Variants in CNTN5 observed in about 807,000 individuals in gnomAD.
CNTN5 encodes contactin-5.
Under a neutral mutation model 129.1 loss-of-function variants are expected in CNTN5, and 77 were observed. That is an observed-to-expected ratio of 0.60 (90% CI 0.50 to 0.72). CNTN5 has a LOEUF of 0.72. Among genes scored for constraint, CNTN5 ranks in the 30% least tolerant of loss-of-function variants. The pLI is 0.00. For synonymous variants in CNTN5, 509 were observed against 465.6 expected, an observed-to-expected ratio of 1.09 and a Z score of -1.20; for missense variants, 1,478 against 1,328.8, an observed-to-expected ratio of 1.11 and a Z score of -1.75.
At chr11:99,270,681 C>A (rs778489672) in intron 1 of CNTN5, among the ~76,000 whole-genome samples, 1 of 151,918 alleles carries the variant, frequency 6.6e-6, no homozygotes, top group African/African-American at 2.4e-5. Flanking sequence ...TAATAATAGG[C>A]ATTTAGAACA....
At chr11:99,772,439 G>A (rs1944978487) in intron 3 of CNTN5, among the ~76,000 whole-genome samples, 3 of 152,018 alleles carry the variant, frequency 2.0e-5, no homozygotes, top group Admixed American at 2.0e-4. Flanking sequence ...TTACAACAAG[G>A]TGTCTTGGAT....
rs535464241 is a variant in CNTN5 at position 99,993,710 on chromosome 11, C to T, written c.878-8324C>T. On this transcript the variant is annotated intron_variant, in intron 8 of 24. Coordinates refer to ENST00000524871, the MANE Select transcript of CNTN5 (RefSeq NM_014361.4). ...GTGCAGCCTGGTTCCTAACAGGCCA[C>T]AGACCACTGCAGGTCTGTGGCCTGG... Among the ~76,000 whole-genome samples the T allele has an allele frequency of 5.9e-5, 9 of 152,194 alleles. No homozygotes were observed. The East Asian group carries it at 1.8e-3, about 30-fold the overall frequency.
At chr11:100,276,527 C>CAAAAAAAAAAAAAAAAAAAAAAAAAAAAA (rs56774234) in intron 18 of CNTN5, among the ~76,000 whole-genome samples, 1 of 70,074 alleles carries the variant, frequency 1.4e-5, no homozygotes, top group Non-Finnish European at 2.7e-5. Context: ...GAGACTCTCT[C>CAAAAAAAAAAAAAAAAAAAAAAAAAAAAA]AAAAAAAAAA....
chr11:100,046,633 C>A (rs1387383871), intron 9 of CNTN5, among the ~76,000 whole-genome samples: 1 of 151,840 alleles, frequency 6.6e-6, no homozygotes, highest in East Asian at 1.9e-4. Context: ...AATGTGTATA[C>A]ATATAAAACA....
At chr11:99,181,123 C>A (rs1426395227) in intron 1 of CNTN5, among the ~76,000 whole-genome samples, 1 of 152,074 alleles carries the variant, frequency 6.6e-6, no homozygotes, top group Non-Finnish European at 1.5e-5. Context: ...GGGTCTGGTG[C>A]ATTCATAATC....
At chr11:99,349,908 C>A (rs1434883206) in intron 2 of CNTN5, among the ~76,000 whole-genome samples, 2 of 152,086 alleles carry the variant, frequency 1.3e-5, no homozygotes, top group Non-Finnish European at 2.9e-5. Flanking sequence ...CTAATGTGTG[C>A]AAAAATGTTG....
chr11:100,149,040 C>T (rs958401624), intron 13 of CNTN5, among the ~76,000 whole-genome samples: 6 of 152,164 alleles, frequency 3.9e-5, no homozygotes, highest in African/African-American at 1.4e-4. Flanking sequence ...GCAGAATGTG[C>T]TGATGAAACA....
intron 2 of CNTN5, among the ~76,000 whole-genome samples, chr11:99,406,715 A>C (rs1942086098): frequency 6.6e-6 from 1 of 152,152 alleles, no homozygotes; most frequent in Admixed American, 6.5e-5. Context: ...AAACCTTAGA[A>C]GTTTACCTGG....
At chr11:99,792,857 G>A (rs1439110620) in intron 3 of CNTN5, among the ~76,000 whole-genome samples, 1 of 152,022 alleles carries the variant, frequency 6.6e-6, no homozygotes, top group Admixed American at 6.6e-5. Context: ...GTCTTGGGTG[G>A]TTGTATGTTT....
At chr11:100,071,151 A>C (rs1943906572) in intron 11 of CNTN5, among the ~76,000 whole-genome samples, 1 of 152,118 alleles carries the variant, frequency 6.6e-6, no homozygotes, top group Non-Finnish European at 1.5e-5. Flanking sequence ...ATGATACTGA[A>C]GTATATTGTC....
intron 8 of CNTN5, among the ~76,000 whole-genome samples, chr11:99,996,720 G>A (rs1939470987): frequency 6.6e-6 from 1 of 152,188 alleles, no homozygotes; most frequent in African/African-American, 2.4e-5. Context: ...GTTTCACATG[G>A]CTGGGAAGGC....
intron 2 of CNTN5, among the ~76,000 whole-genome samples, chr11:99,510,218 G>A (rs1046745361): frequency 6.6e-6 from 1 of 151,932 alleles, no homozygotes; most frequent in Admixed American, 6.6e-5. Context: ...ATAAATCAGA[G>A]CCAACCATTC....
At chr11:100,097,061 A>T (rs1197782190) in intron 13 of CNTN5, among the ~76,000 whole-genome samples, 1 of 152,146 alleles carries the variant, frequency 6.6e-6, no homozygotes, top group Non-Finnish European at 1.5e-5. Flanking sequence ...CAAAATTCTA[A>T]CTGAAAAGTA....
intron 13 of CNTN5, among the ~76,000 whole-genome samples, chr11:100,106,062 T>C (rs191416868): frequency 6.6e-6 from 1 of 152,296 alleles, no homozygotes; most frequent in East Asian, 1.9e-4. Context: ...TCAGCTCCTG[T>C]AAAGTTCAAA....
chr11:100,036,513 T>C (rs1408060166), intron 9 of CNTN5, among the ~76,000 whole-genome samples: 1 of 147,520 alleles, frequency 6.8e-6, no homozygotes, highest in East Asian at 2.0e-4. Context: ...AGAAAGTCAT[T>C]GGTAGCTTGA....
intron 9 of CNTN5, among the ~76,000 whole-genome samples, chr11:100,030,637 A>T (rs751907346): frequency 1.3e-5 from 2 of 152,208 alleles, no homozygotes; most frequent in African/African-American, 4.8e-5. Flanking sequence ...GCTGATGTAC[A>T]TGAATGTGTA....
chr11:99,980,413 C>T (rs1254765531), intron 8 of CNTN5, among the ~76,000 whole-genome samples: 1 of 152,138 alleles, frequency 6.6e-6, no homozygotes, highest in South Asian at 2.1e-4. Context: ...AAATAGATTT[C>T]CAAAGACTTT....
chr11:100,248,343 G>A (rs1167624310), intron 16 of CNTN5, among the ~76,000 whole-genome samples: 1 of 151,976 alleles, frequency 6.6e-6, no homozygotes, highest in Non-Finnish European at 1.5e-5. Context: ...CCAGGAGTTT[G>A]AGACCACACT....
chr11:100,149,537 G>A (rs1314874512), intron 13 of CNTN5, among the ~76,000 whole-genome samples: 1 of 152,042 alleles, frequency 6.6e-6, no homozygotes, highest in African/African-American at 2.4e-5. Context: ...GAATTATTTT[G>A]AAATGATAAA....
Sources: gnomAD v4.1 joint callset for allele counts (sites outside exome capture counted in the v4.1 genomes callset) on GRCh38, gnomAD v4.1.1 for gene constraint, MANE v1.5 for transcripts, NCBI Gene and HGNC (gene_info 2026-07-23, HGNC 2026-07-21) for gene names.